C13orf42: variants seen among roughly 807,000 people sequenced by gnomAD.
C13orf42 encodes the protein chromosome 13 open reading frame 42.
chr13:51,154,121 C>A (rs143985209), intron 1 of C13orf42, among the ~76,000 whole-genome samples: 3 of 152,274 alleles, frequency 2.0e-5, no homozygotes, highest in African/African-American at 4.8e-5. Context: ...TTATTTCACT[C>A]AGCATAATGT....
Position 51,085,387 on chromosome 13 carries a change from A to C in C13orf42, c.735T>G (p.Ile245Met), listed in dbSNP as rs767812273. Residue 245 changes from isoleucine (I) to methionine (M), a missense_variant, in exon 3 of 4, where the codon ATT (isoleucine) becomes ATG (methionine). Coordinates refer to ENST00000563710, the MANE Select transcript of C13orf42 (RefSeq NM_001351589.3). ...CCCCTTCCACAGCCTTGGGCAAATA[A>C]ATGGGGTGCCTCTCGAGTCTCCTCT... ...GTQRRLERHP[I>M]YLPKAVEGAF... The C allele has an allele frequency of 2.0e-5, 8 of 398,320 alleles. No homozygotes were observed. The highest frequency in any genetic ancestry group is 3.5e-5 in the Non-Finnish European group (8 of 226,034). The allele number at this position is 398,320 out of a possible 1,614,324, so 24.7% of individuals were successfully genotyped here. A position where few individuals can be genotyped will look rare whatever the true frequency, so the allele number is the denominator to read the frequency against.
chr13:51,116,268 G>A (rs1359960962), upstream of C13orf42, among the ~76,000 whole-genome samples: 3 of 152,188 alleles, frequency 2.0e-5, no homozygotes, highest in Non-Finnish European at 4.4e-5. Flanking sequence ...GGGAGGTAGG[G>A]TAACCCAGCT....
At position 51,084,018 on chromosome 13, in the gene C13orf42, G is replaced by A. The variant is rs78078039; in HGVS notation, c.*133C>T. 7,115 of 395,258 alleles carry A rather than the reference G, an allele frequency of 0.018. 418 individuals are homozygous for A. Among genetic ancestry groups the A allele is most frequent in the African/African-American group, 0.13 (6,243 of 48,660 alleles). The allele number at this position is 395,258 out of a possible 1,614,324, so 24.5% of individuals were successfully genotyped here. A position where few individuals can be genotyped will look rare whatever the true frequency, so the allele number is the denominator to read the frequency against. The stretch of plus-strand genomic sequence containing the variant: ...TCTGTTTGGCACTGGCACGGCACCA[G>A]CAGGCAGTGTGCTGAGTGGGTTGAC... On this transcript the variant is annotated 3_prime_UTR_variant, in exon 4 of 4. Coordinates refer to ENST00000563710, the MANE Select transcript of C13orf42 (RefSeq NM_001351589.3).
intron 1 of C13orf42, among the ~76,000 whole-genome samples, chr13:51,143,474 T>TA (rs1249771673): frequency 6.6e-6 from 1 of 152,196 alleles, no homozygotes; most frequent in Admixed American, 6.5e-5. Flanking sequence ...ATAAAAGACT[T>TA]ATGGAAGTTA....
At position 51,098,845 on chromosome 13, in the gene C13orf42, C is replaced by T. The variant is rs189136100; in HGVS notation, c.415-10770G>A. Among the ~76,000 whole-genome samples, 103 of 151,938 alleles carry T rather than the reference C, an allele frequency of 6.8e-4. 1 individual carries two copies. Among genetic ancestry groups the T allele is most frequent in the African/African-American group, 2.4e-3 (100 of 41,264 alleles). On this transcript the variant is annotated intron_variant, in intron 1 of 3. Transcript: ENST00000563710. Reference sequence around the variant, plus strand: ...GAGCATCTATTTCAGTACTTTGGGACTTAATTTGGCAAATTTTAGGAACTC... The same window carrying T: ...GAGCATCTATTTCAGTACTTTGGGATTTAATTTGGCAAATTTTAGGAACTC...
chr13:51,114,199 A>G (rs73188241), upstream of C13orf42, among the ~76,000 whole-genome samples: 5,263 of 152,336 alleles, frequency 0.035, 86 homozygotes, highest in East Asian at 0.046. Context: ...AGGGCAGGCC[A>G]GGATGAGAAT....
chr13:51,153,634 T>C (rs1397010053), intron 1 of C13orf42, among the ~76,000 whole-genome samples: 1 of 127,784 alleles, frequency 7.8e-6, no homozygotes, highest in East Asian at 2.2e-4. Context: ...TTTTTTCTTT[T>C]TTTTTTTTTT....
intron 1 of C13orf42, among the ~76,000 whole-genome samples, chr13:51,089,901 G>A (rs567845480): frequency 6.6e-6 from 1 of 152,084 alleles, no homozygotes; most frequent in African/African-American, 2.4e-5. Context: ...CAGTTGGAAA[G>A]CAGATGGAGA....
intron 1 of C13orf42, among the ~76,000 whole-genome samples, chr13:51,153,176 G>T (rs141006316): frequency 8.5e-5 from 13 of 152,084 alleles, no homozygotes; most frequent in Non-Finnish European, 1.5e-5. Context: ...TGCACCTGCC[G>T]CCTCCCTAGC....
intron 1 of C13orf42, among the ~76,000 whole-genome samples, chr13:51,095,315 T>C (rs999851399): frequency 2.0e-5 from 3 of 151,926 alleles, no homozygotes; most frequent in Non-Finnish European, 4.4e-5. Context: ...GTTGTTGCTG[T>C]TGTTGTTATT....
At chr13:51,158,839 T>C (rs562091274) in intron 1 of C13orf42, among the ~76,000 whole-genome samples, 6 of 152,362 alleles carry the variant, frequency 3.9e-5, no homozygotes, top group African/African-American at 1.2e-4. Flanking sequence ...TTTAGTGTGA[T>C]AGAGGCAAAA....
At chr13:51,154,612 G>T (rs1370049258) in intron 1 of C13orf42, among the ~76,000 whole-genome samples, 2 of 152,222 alleles carry the variant, frequency 1.3e-5, no homozygotes, top group African/African-American at 2.4e-5. Flanking sequence ...TCACCCTCAA[G>T]TGTCCCCACC....
At chr13:51,090,276 G>A (rs1953168416) in intron 1 of C13orf42, among the ~76,000 whole-genome samples, 1 of 152,274 alleles carries the variant, frequency 6.6e-6, no homozygotes, top group East Asian at 1.9e-4. Flanking sequence ...TCCTTCTCCA[G>A]GAAGGCTACC....
chr13:51,153,684 G>A (rs1346314347), intron 1 of C13orf42, among the ~76,000 whole-genome samples: 2 of 126,704 alleles, frequency 1.6e-5, no homozygotes, highest in African/African-American at 5.9e-5. Context: ...TTGTCGCCCA[G>A]GCTGGAATGC....
intron 1 of C13orf42, among the ~76,000 whole-genome samples, chr13:51,170,374 C>T (rs1953938513): frequency 6.6e-6 from 1 of 152,166 alleles, no homozygotes; most frequent in South Asian, 2.1e-4. Context: ...CCCTGTCCTC[C>T]TGCTCTTTGC....
chr13:51,171,868 CA>C (rs1953956388), intron 1 of C13orf42: 1 of 152,126 alleles, frequency 6.6e-6, no homozygotes, highest in South Asian at 2.1e-4. Context: ...CCTAAAAGGT[CA>C]AAAGGCCGTC....
chr13:51,149,376 T>C (rs936736157), intron 1 of C13orf42, among the ~76,000 whole-genome samples: 1 of 148,264 alleles, frequency 6.7e-6, no homozygotes, highest in African/African-American at 2.5e-5. Context: ...GCAAAGGTGA[T>C]AAAGGGTAAT....
chr13:51,148,613 G>C (rs1953756163), intron 1 of C13orf42, among the ~76,000 whole-genome samples: 1 of 152,226 alleles, frequency 6.6e-6, no homozygotes, highest in Non-Finnish European at 1.5e-5. Flanking sequence ...AATGACACCT[G>C]GGGATGAGAA....
chr13:51,152,852 C>G (rs1953790312), intron 1 of C13orf42, among the ~76,000 whole-genome samples: 1 of 152,156 alleles, frequency 6.6e-6, no homozygotes, highest in African/African-American at 2.4e-5. Flanking sequence ...TGACTCAATC[C>G]CTCCAGCCTC....
Sources: allele counts gnomAD v4.1 joint callset (sites outside exome capture counted in the v4.1 genomes callset), GRCh38; gene constraint gnomAD v4.1.1; transcripts MANE v1.5; gene names NCBI Gene and HGNC (gene_info 2026-07-23, HGNC 2026-07-21).